SORBS3: variants seen among roughly 807,000 people sequenced by gnomAD.
SORBS3 encodes sorbin and SH3 domain containing 3.
Under a neutral mutation model 98.0 loss-of-function variants are expected in SORBS3, and 69 were observed. The ratio of observed to expected loss-of-function variants is 0.70; its 90% CI spans 0.58 to 0.86. SORBS3 has a LOEUF of 0.86. Ranked by LOEUF, SORBS3 falls within the 40% of genes least tolerant of loss-of-function variation. The pLI, the probability that SORBS3 is intolerant of heterozygous loss-of-function variation, is 0.00. For missense variants in SORBS3, 954 were observed against 908.5 expected, an observed-to-expected ratio of 1.05 and a Z score of -0.64; for synonymous variants, 394 against 355.4, an observed-to-expected ratio of 1.11 and a Z score of -1.22.
upstream of SORBS3, among the ~76,000 whole-genome samples, chr8:22,548,544 CA>C (rs1296647381): frequency 6.6e-6 from 1 of 152,174 alleles, no homozygotes; most frequent in Non-Finnish European, 1.5e-5. Context: ...ATTCTGAGAG[CA>C]AAACCCCCCA....
intron 20 of SORBS3, among the ~76,000 whole-genome samples, chr8:22,573,964 CA>C (rs1315405361): frequency 6.6e-6 from 1 of 152,170 alleles, no homozygotes; most frequent in Non-Finnish European, 1.5e-5. Flanking sequence ...GCTCCAGAGG[CA>C]GGGGTGTGCA....
At position 22,567,146 on chromosome 8, in the gene SORBS3, C is replaced by T; in HGVS notation, c.1276C>T (p.Leu426=). 1 of 1,612,676 alleles carries T rather than the reference C, an allele frequency of 6.2e-7. No homozygotes were observed. The highest frequency in any genetic ancestry group is 8.5e-7 in the Non-Finnish European group (1 of 1,179,302). ...GCTGGAGGGAGAGCACCACGGCCGC[C>T]TGGGCATCTTCCCTGCTAATTATGT... ...NWLEGEHHGR[L]GIFPANYVEV... The change falls in exon 16 of 21, where the codon CTG becomes TTG. Residue 426 remains leucine, a synonymous_variant. Coordinates refer to ENST00000240123, the MANE Select transcript of SORBS3 (RefSeq NM_005775.5).
chr8:22,554,633 G>T lies in SORBS3; in HGVS notation c.102+25G>T. On this transcript the variant is annotated intron_variant, in intron 2 of 20. Coordinates refer to ENST00000240123, the MANE Select transcript of SORBS3 (RefSeq NM_005775.5). This position sits in a 1 kb window ranked among gnomAD's most constrained non-coding sequence, Gnocchi z 6.5. ...GGTGAGTGAGTCAGTAGGGAGGAGG[G>T]TGTCCTGCGGGCCCGGAGTTGGTTG... 4 of 1,598,808 alleles carry T rather than the reference G, an allele frequency of 2.5e-6. No individual in the cohort carries two copies. The highest frequency in any genetic ancestry group is 2.3e-5 in the East Asian group (1 of 44,264).
chr8:22,566,470 C>T lies in SORBS3; in HGVS notation c.1076C>T (p.Pro359Leu), dbSNP rs1286071070. 1.2e-6 allele frequency: 2 copies of T among 1,613,790 alleles called. No individual in the cohort carries two copies. Among genetic ancestry groups the T allele is most frequent in the Non-Finnish European group, 1.7e-6 (2 of 1,179,846 alleles). ...PFLGRRDFVY[P>L]SSTRDPSASN... is the part of the protein sequence containing the mutation. The stretch of plus-strand genomic sequence containing the variant: ...CTAGGTCGGAGGGACTTTGTCTACC[C>T]TTCCTCAACCCGAGGTAAGGACCCA... The change falls in exon 13 of 21, where the codon CCT becomes CTT. Residue 359 changes from proline (P) to leucine (L), a missense_variant. Physicochemically the swap from Pro to Leu is moderately conservative, Grantham distance 98. Transcript: ENST00000240123.
At position 22,556,901 on chromosome 8, in the gene SORBS3, C is replaced by A; in HGVS notation, c.407C>A (p.Pro136His). ...PVDESGMPIA[P>H]RSSVDRPRDW... ...GACGAGAGCGGCATGCCCATTGCCCCCCGATCCGTGAGTCCAGGGCTGGGG... is the reference window on the plus strand; with the variant it reads ...GACGAGAGCGGCATGCCCATTGCCCACCGATCCGTGAGTCCAGGGCTGGGG... Residue 136 changes from proline (P) to histidine (H), a missense_variant, in exon 4 of 21, where the codon CCC (proline) becomes CAC (histidine). Physicochemically the swap from Pro to His is moderately conservative, Grantham distance 77 (BLOSUM62 -2). Transcript: ENST00000240123. The A allele has an allele frequency of 6.2e-7, 1 of 1,612,692 alleles. No individual in the cohort carries two copies. Among genetic ancestry groups the A allele is most frequent in the Non-Finnish European group, 8.5e-7 (1 of 1,180,022 alleles).
chr8:22,561,704 C>T (rs1288250534), intron 6 of SORBS3, 161 bp from the exon 7 acceptor site: 6 of 661,022 alleles, frequency 9.1e-6, no homozygotes, highest in East Asian at 2.7e-5. Flanking sequence ...GGGCAATGCC[C>T]GCGTTCAGTG....
intron 6 of SORBS3, 50 bp from the exon 7 acceptor site, chr8:22,561,815 G>C: frequency 3.3e-6 from 5 of 1,531,460 alleles, no homozygotes; most frequent in Non-Finnish European, 4.5e-6. Flanking sequence ...CCCCAGTCAC[G>C]GCCTGTCTCC....
chr8:22,551,686 C>T, upstream of SORBS3: 1 of 958,328 alleles, frequency 1.0e-6, no homozygotes, highest in African/African-American at 1.8e-5. This position sits in a 1 kb window ranked among gnomAD's most constrained non-coding sequence, Gnocchi z 5.8. Context: ...AGGGGGCCAC[C>T]AGTGTCCCCG....
At position 22,566,409 on chromosome 8, in the gene SORBS3, A is replaced by G; in HGVS notation, c.1015A>G (p.Ser339Gly). Residue 339 changes from serine (S) to glycine (G), a missense_variant, in exon 13 of 21, where the codon AGT becomes GGT. Transcript: ENST00000240123. ...APYLGSARSL[S>G]PHKMADGGSP... ...TTACCTGGGTTCCGCCCGGTCCCTG[A>G]GTCCCCACAAAATGGCTGATGGAGG... 8 of 1,614,102 alleles carry G rather than the reference A, an allele frequency of 5.0e-6. No individual in the cohort carries two copies. The highest frequency in any genetic ancestry group is 6.8e-6 in the Non-Finnish European group (8 of 1,179,998).
Position 22,571,836 on chromosome 8 carries a change from A to C in SORBS3, c.1847+15A>C, listed in dbSNP as rs1461895477. ...CACTGGACCCCGTGAGTACCATCTG[A>C]GGGCTCTTGATCAGACGTGGGGGGG... is the stretch of plus-strand genomic sequence containing the variant. On this transcript the variant is annotated intron_variant, in intron 19 of 20. Coordinates refer to ENST00000240123, the MANE Select transcript of SORBS3 (RefSeq NM_005775.5). The C allele has an allele frequency of 5.1e-6, 8 of 1,567,406 alleles. No individual in the cohort carries two copies. The highest frequency in any genetic ancestry group is 1.4e-5 in the African/African-American group (1 of 73,888).
upstream of SORBS3, chr8:22,550,106 A>G: frequency 2.6e-6 from 2 of 773,156 alleles, no homozygotes; most frequent in Non-Finnish European, 3.1e-6. Context: ...TTTATCCCTG[A>G]GGGAGGGAAG....
In SORBS3 at chr8:22,565,955, G is replaced by T. The variant is rs1371602551; in HGVS notation, c.950+83G>T. 9 of 986,770 alleles carry T rather than the reference G, an allele frequency of 9.1e-6. No individual in the cohort carries two copies. The East Asian group carries it at 2.7e-4, about 30-fold the overall frequency. 61.1% of individuals were successfully genotyped at this position (986,770 alleles called of 1,614,324 possible). On this transcript the variant is annotated intron_variant, in intron 12 of 20. Coordinates refer to ENST00000240123, the MANE Select transcript of SORBS3 (RefSeq NM_005775.5). Reference sequence around the variant, plus strand: ...GTGGCGCGGCCGGGCGGGGCGGACGGGGGCGATCGCGGGGCCCAGCCGGGG... The same window carrying T: ...GTGGCGCGGCCGGGCGGGGCGGACGTGGGCGATCGCGGGGCCCAGCCGGGG...
chr8:22,563,426 AC>A (rs1174064609), intron 7 of SORBS3, among the ~76,000 whole-genome samples: 1 of 126,442 alleles, frequency 7.9e-6, no homozygotes, highest in Non-Finnish European at 1.7e-5. Flanking sequence ...TGAATCCAGC[AC>A]CCTCATGGAA....
In SORBS3 at chr8:22,553,248, G is replaced by T. The variant is rs150503097; in HGVS notation, c.-55-1204G>T. On this transcript the variant is annotated intron_variant, in intron 1 of 20. Coordinates refer to ENST00000240123, the MANE Select transcript of SORBS3 (RefSeq NM_005775.5). ...GGTGGTCCCCCCAGAAGTCATATTC[G>T]CAGCTCTGCACCCAGATTCCAACAC... Among the ~76,000 whole-genome samples, 599 of 152,090 alleles carry T rather than the reference G, an allele frequency of 3.9e-3. 3 individuals are homozygous for T. The highest frequency in any genetic ancestry group is 0.014 in the African/African-American group (563 of 41,448).
At position 22,567,154 on chromosome 8, in the gene SORBS3, C is replaced by G. The variant is rs1184384740; in HGVS notation, c.1284C>G (p.Ile428Met). The G allele has an allele frequency of 3.7e-6, 6 of 1,612,574 alleles. No individual in the cohort carries two copies. The highest frequency in any genetic ancestry group is 5.1e-6 in the Non-Finnish European group (6 of 1,179,236). The stretch of plus-strand genomic sequence containing the variant: ...GAGAGCACCACGGCCGCCTGGGCAT[C>G]TTCCCTGCTAATTATGTGGAGGTGA... ...LEGEHHGRLG[I>M]FPANYVEVLP... is the part of the protein sequence containing the mutation. The change falls in exon 16 of 21, where the codon ATC becomes ATG. Residue 428 changes from isoleucine (I) to methionine (M), a missense_variant. Physicochemically the swap from Ile to Met is conservative, Grantham distance 10. Coordinates refer to ENST00000240123, the MANE Select transcript of SORBS3 (RefSeq NM_005775.5).
chr8:22,556,169 A>T (rs76779471), intron 3 of SORBS3, among the ~76,000 whole-genome samples: 1 of 152,198 alleles, frequency 6.6e-6, no homozygotes, highest in Admixed American at 6.5e-5. Context: ...TGTCTGGGGA[A>T]TGGGTTTCTG....
At position 22,569,127 on chromosome 8, in the gene SORBS3, T is replaced by C. The variant is rs1255362770; in HGVS notation, c.1306-21T>C. The C allele has an allele frequency of 6.3e-6, 10 of 1,592,626 alleles. No homozygotes were observed. In the South Asian group the frequency reaches 7.9e-5, roughly 13 times the overall value. On this transcript the variant is annotated intron_variant, in intron 16 of 20. Coordinates refer to ENST00000240123, the MANE Select transcript of SORBS3 (RefSeq NM_005775.5). ...TGTTGATGCCCAGGCCAAATCTTTC[T>C]CATGACCTTTCTTCATGCAGGTGCT...
chr8:22,547,141 A>G (rs144271432), upstream of SORBS3, among the ~76,000 whole-genome samples: 442 of 152,258 alleles, frequency 2.9e-3, 1 homozygote, highest in African/African-American at 0.01. Context: ...TGATGTAGCA[A>G]TGTCCCTACA....
At chr8:22,565,492 C>T in intron 11 of SORBS3, 138 bp downstream of exon 11, 2 of 674,726 alleles carry the variant, frequency 3.0e-6, no homozygotes, top group Non-Finnish European at 4.3e-6. Context: ...GGCCTCGGGC[C>T]CTCCTGGGCG....
Sources: gnomAD v4.1 joint callset for allele counts (sites outside exome capture counted in the v4.1 genomes callset) on GRCh38, gnomAD v4.1.1 for gene constraint, Gnocchi (gnomAD v3.1) non-coding constraint, MANE v1.5 for transcripts, NCBI Gene and HGNC (gene_info 2026-07-23, HGNC 2026-07-21) for gene names.